The following DCDC2 variants were observed in gnomAD, a reference collection of about 807,000 sequenced individuals.
DCDC2 encodes the protein doublecortin domain containing 2.
A neutral mutation model predicts 50.2 loss-of-function variants in DCDC2; 40 were observed. The ratio of observed to expected loss-of-function variants is 0.80; its 90% CI spans 0.62 to 1.04. The LOEUF is 1.04. Among genes scored for constraint, DCDC2 ranks in the 50% least tolerant of loss-of-function variants. The pLI is 0.00. For synonymous variants in DCDC2, 234 were observed against 210.6 expected (o/e 1.11, Z -0.96); for missense variants, 570 against 581.9 (o/e 0.98, Z 0.21).
At chr6:24,349,896 C>A (rs1760333993) in intron 2 of DCDC2, among the ~76,000 whole-genome samples, 1 of 151,930 alleles carries the variant, frequency 6.6e-6, no homozygotes, top group Non-Finnish European at 1.5e-5. Flanking sequence ...CTGCTCTGAG[C>A]CCATATGGTG....
rs771461514 is a variant in DCDC2, at chr6:24,178,512, T to TA, written c.1143dup (p.Thr382TyrfsTer5). On this transcript the variant is annotated frameshift_variant, in exon 9 of 10. Transcript: ENST00000378454. LOFTEE classifies it high-confidence loss of function. Reference sequence around the variant, plus strand: ...TCCTCGACTTGCTCAGGGGCATCTGTAGCCTCCCTACCTCCTTCCTCTTCA... The same window carrying TA: ...TCCTCGACTTGCTCAGGGGCATCTGTAAGCCTCCCTACCTCCTTCCTCTTCA... 1 of 1,614,186 alleles carries TA rather than the reference T, an allele frequency of 6.2e-7. No individual in the cohort carries two copies.
chr6:24,216,879 T>G (rs1004012731), intron 7 of DCDC2, among the ~76,000 whole-genome samples: 12 of 152,224 alleles, frequency 7.9e-5, no homozygotes, highest in Admixed American at 5.2e-4. Context: ...ATGCAGATAT[T>G]TATTAGAGTT....
At chr6:24,197,049 C>G (rs1273465475) in intron 8 of DCDC2, among the ~76,000 whole-genome samples, 2 of 152,108 alleles carry the variant, frequency 1.3e-5, no homozygotes, top group East Asian at 3.9e-4. Context: ...ATGTTATGAC[C>G]AAGAGAGTCC....
chr6:24,216,706 C>T (rs1761990905), intron 7 of DCDC2, among the ~76,000 whole-genome samples: 1 of 152,236 alleles, frequency 6.6e-6, no homozygotes, highest in African/African-American at 2.4e-5. Flanking sequence ...TTTGCTAAAC[C>T]TCTGTCTCTA....
At chr6:24,280,284 C>T (rs1273248557) in intron 6 of DCDC2, among the ~76,000 whole-genome samples, 1 of 151,820 alleles carries the variant, frequency 6.6e-6, no homozygotes, top group East Asian at 1.9e-4. Flanking sequence ...ATCTATAACA[C>T]TTTTTGTGTA....
chr6:24,280,695 C>A (rs896671955), intron 6 of DCDC2, among the ~76,000 whole-genome samples: 1 of 151,918 alleles, frequency 6.6e-6, no homozygotes, highest in Admixed American at 6.6e-5. Flanking sequence ...CACCACCACA[C>A]CCAGGTAAAT....
chr6:24,222,041 T>C (rs1320674972), intron 7 of DCDC2, among the ~76,000 whole-genome samples: 2 of 152,212 alleles, frequency 1.3e-5, no homozygotes, highest in African/African-American at 4.8e-5. Context: ...ATAGTAGGTC[T>C]GGGTGGAGAG....
At chr6:24,331,428 G>C (rs907886857) in intron 2 of DCDC2, among the ~76,000 whole-genome samples, 5 of 151,740 alleles carry the variant, frequency 3.3e-5, no homozygotes, top group Non-Finnish European at 7.4e-5. Flanking sequence ...TGCCTCCTGA[G>C]TAGCTAGGAC....
In DCDC2 at chr6:24,287,981, A is replaced by AG. The variant is rs146309243; in HGVS notation, c.759+870dup. Among the ~76,000 whole-genome samples the AG allele has an allele frequency of 1.2e-4, 19 of 152,350 alleles. No homozygotes were observed. The East Asian group carries it at 2.1e-3, about 17-fold the overall frequency. On this transcript the variant is annotated intron_variant, in intron 6 of 9. Coordinates refer to ENST00000378454, the MANE Select transcript of DCDC2 (RefSeq NM_016356.5). ...TGAGTTCTTAATATCTGTTATGCTG[A>AG]GTTCGGCACTACTTATGTACACAAA...
At chr6:24,358,713 A>T (rs1385967392), upstream of DCDC2, among the ~76,000 whole-genome samples, 14 of 82,392 alleles carry the variant, frequency 1.7e-4, no homozygotes, top group African/African-American at 7.3e-4. Context: ...TTTTATATAT[A>T]TATTTTATAT....
At chr6:24,367,756 A>G in the DCDC2 span, among the ~76,000 whole-genome samples, 1 of 124,764 alleles carries the variant, frequency 8.0e-6, no homozygotes, top group African/African-American at 3.4e-5. Flanking sequence ...AAACATGAAT[A>G]TACAGTAAAA....
chr6:24,201,416 G>A (rs756242985), intron 8 of DCDC2, among the ~76,000 whole-genome samples: 28 of 152,062 alleles, frequency 1.8e-4, no homozygotes, highest in Non-Finnish European at 2.8e-4. Flanking sequence ...GGTACATAAC[G>A]AAATGAAGGC....
At chr6:24,285,180 G>C (rs567772301) in intron 6 of DCDC2, among the ~76,000 whole-genome samples, 1 of 152,156 alleles carries the variant, frequency 6.6e-6, no homozygotes, top group African/African-American at 2.4e-5. Flanking sequence ...AATGGATGAC[G>C]GATGGAGTGG....
intron 7 of DCDC2, among the ~76,000 whole-genome samples, chr6:24,266,982 G>A (rs1025303654): frequency 1.3e-5 from 2 of 152,140 alleles, no homozygotes; most frequent in Non-Finnish European, 2.9e-5. Context: ...CATAAAAAAA[G>A]AATGAGATAC....
intron 7 of DCDC2, among the ~76,000 whole-genome samples, chr6:24,254,941 AG>A (rs1473114972): frequency 6.6e-6 from 1 of 152,138 alleles, no homozygotes; most frequent in Non-Finnish European, 1.5e-5. Context: ...AGTGTTTTGG[AG>A]GAAATTGGGA....
In DCDC2 at chr6:24,246,479, C is replaced by CTTTT. The variant is rs4052666; in HGVS notation, c.922+31566_922+31569dup. Among the ~76,000 whole-genome samples, 656 of 70,784 alleles carry CTTTT rather than the reference C, an allele frequency of 9.3e-3. 37 individuals are homozygous for CTTTT. Among genetic ancestry groups the CTTTT allele is most frequent in the Middle Eastern group, 0.036 (2 of 56 alleles). 46.4% of individuals were successfully genotyped at this position (70,784 alleles called of 152,430 possible). On this transcript the variant is annotated intron_variant, in intron 7 of 9. Coordinates refer to ENST00000378454, the MANE Select transcript of DCDC2 (RefSeq NM_016356.5). Reference sequence around the variant, plus strand: ...GATAAAGACAAGTCTTTTTCTTTTTCTTTTTTTTTTTTTTTTTTTTTTTTT... The same window carrying CTTTT: ...GATAAAGACAAGTCTTTTTCTTTTTCTTTTTTTTTTTTTTTTTTTTTTTTTTTTT...
the DCDC2 span, among the ~76,000 whole-genome samples, chr6:24,372,211 G>A: frequency 1.3e-4 from 20 of 152,294 alleles, no homozygotes; most frequent in Non-Finnish European, 2.9e-4. Flanking sequence ...CACGAGGTCA[G>A]GAGATTGAGA....
rs754360422 is a variant in DCDC2 at position 24,205,082 on chromosome 6, C to A, written c.943G>T (p.Gly315Ter). ...CCCCGTGTTTCAGACCTCTCTGCTC[C>A]AGCTTTGAAAATGCCTTCATCTATT... ...PNSDEGIFKA[G>*]AERSETRGAA... Residue 315 changes from glycine (G) to a stop codon, truncating the protein, a stop_gained, in exon 8 of 10, where the codon GGA becomes TGA. Coordinates refer to ENST00000378454, the MANE Select transcript of DCDC2 (RefSeq NM_016356.5). LOFTEE classifies it high-confidence loss of function. 34 of 1,614,012 alleles carry A rather than the reference C, an allele frequency of 2.1e-5. No homozygotes were observed. The highest frequency in any genetic ancestry group is 2.6e-5 in the Non-Finnish European group (31 of 1,180,016).
intron 2 of DCDC2, among the ~76,000 whole-genome samples, chr6:24,326,463 T>G (rs1406825734): frequency 3.3e-4 from 1 of 3,058 alleles, no homozygotes; most frequent in African/African-American, 6.9e-4. Flanking sequence ...TGTTAAGAGC[T>G]GGGTGACATA....
Sources: allele counts gnomAD v4.1 joint callset (sites outside exome capture counted in the v4.1 genomes callset), GRCh38; gene constraint gnomAD v4.1.1; transcripts MANE v1.5; gene names NCBI Gene and HGNC (gene_info 2026-07-23, HGNC 2026-07-21).